SNX12: variants seen among roughly 807,000 people sequenced by gnomAD.
SNX12 encodes sorting nexin-12.
For synonymous variants in SNX12, 47 were observed against 56.0 expected (o/e 0.84, Z 0.71); for missense variants, 62 against 141.3 (o/e 0.44, Z 2.84).
chrX:71,064,159 A>G (rs2092143104), intron 1 of SNX12, among the ~76,000 whole-genome samples: 2 of 111,736 alleles, frequency 1.8e-5, no homozygotes, highest in African/African-American at 6.5e-5. Flanking sequence ...TACATATTAC[A>G]TTTTCCTTTA....
upstream of SNX12, among the ~76,000 whole-genome samples, chrX:71,071,028 G>T (rs1481095532): frequency 9.0e-6 from 1 of 110,903 alleles, no homozygotes; most frequent in Non-Finnish European, 1.9e-5. Flanking sequence ...ATCACATAAA[G>T]ATACCAGTGT....
intron 1 of SNX12, among the ~76,000 whole-genome samples, chrX:71,064,356 T>A (rs374050879): frequency 8.9e-6 from 1 of 112,335 alleles, no homozygotes; most frequent in Non-Finnish European, 1.9e-5. Context: ...CTGACAGTTA[T>A]ACTTTAGCAT....
upstream of SNX12, among the ~76,000 whole-genome samples, chrX:71,072,190 G>A (rs988103089): frequency 9.2e-6 from 1 of 108,548 alleles, no homozygotes; most frequent in South Asian, 4.0e-4. Context: ...CCCGGGAGGC[G>A]GAGGTTGCAG....
rs374975659 is a variant in SNX12 at position 71,062,893 on chromosome X, G to C, written c.222C>G (p.Asp74Glu). ...CCAGCTCATTTTTCAGCCACTCAAA[G>C]TCACTGTAGCGCCGCCGTACGCAGG... ...KESCVRRRYSDFEWLKNELER... is the reference protein window; with the variant it reads ...KESCVRRRYSEFEWLKNELER... The change falls in exon 2 of 4, where the codon GAC becomes GAG. Residue 74 changes from aspartate to glutamate, a missense_variant. By Grantham distance (45) the Asp-to-Glu change is conservative (BLOSUM62 2). Coordinates refer to ENST00000374274, the MANE Select transcript of SNX12 (RefSeq NM_013346.4). 3 of 1,209,028 alleles carry C rather than the reference G, an allele frequency of 2.5e-6. No individual in the cohort carries two copies. In the African/African-American group the frequency reaches 5.2e-5, roughly 21 times the overall value.
upstream of SNX12, among the ~76,000 whole-genome samples, chrX:71,071,995 C>T (rs778351340): frequency 9.1e-6 from 1 of 110,373 alleles, no homozygotes; most frequent in South Asian, 3.6e-4. Context: ...CGGTGGCTCA[C>T]GCCTGTAATC....
upstream of SNX12, among the ~76,000 whole-genome samples, chrX:71,071,535 TTATA>T (rs1266322744): frequency 1.9e-5 from 1 of 51,700 alleles, no homozygotes; most frequent in Admixed American, 3.5e-4. Flanking sequence ...ATATTTATAT[TTATA>T]TATATTATAT....
At chrX:71,063,035 A>G (rs774536175) in intron 1 of SNX12, 86 bp from the exon 2 acceptor site, 55 of 579,567 alleles carry the variant, frequency 9.5e-5, no homozygotes, top group African/African-American at 8.4e-4. Flanking sequence ...ACAGGTCCCA[A>G]TGAAGAAATA....
upstream of SNX12, chrX:71,068,554 T>C (rs1275129942): frequency 3.9e-6 from 1 of 253,678 alleles, no homozygotes; most frequent in Admixed American, 6.8e-5. Flanking sequence ...GTGATGTTTG[T>C]GGCCACCCGG....
chrX:71,059,885 C>T lies in SNX12; in HGVS notation c.*1131G>A, dbSNP rs1265696499. The stretch of plus-strand genomic sequence containing the variant: ...CAAGCTGCTATCCATAGTTCAACTT[C>T]TGGGGAAAATGCTGGAGTTGCATGA... On this transcript the variant is annotated 3_prime_UTR_variant, in exon 4 of 4. Coordinates refer to ENST00000374274, the MANE Select transcript of SNX12 (RefSeq NM_013346.4). 8.9e-6 allele frequency: 1 copy of T among 111,926 alleles called. No individual in the cohort carries two copies. The highest frequency in any genetic ancestry group is 3.2e-5 in the African/African-American group (1 of 30,797). 9.2% of individuals were successfully genotyped at this position (111,926 alleles called of 1,213,427 possible). A position where few individuals can be genotyped will look rare whatever the true frequency, so the allele number is the denominator to read the frequency against.
chrX:71,068,432 C>A, upstream of SNX12: 1 of 535,744 alleles, frequency 1.9e-6, no homozygotes, highest in South Asian at 3.9e-5. Flanking sequence ...GGCGCGCACG[C>A]GCGCCCACGC....
At chrX:71,071,522 T>TTTATATATTATATATATAATATTC (rs1569477434), upstream of SNX12, among the ~76,000 whole-genome samples, 4 of 35,052 alleles carry the variant, frequency 1.1e-4, no homozygotes, top group African/African-American at 4.6e-4. Flanking sequence ...TTAATTTATA[T>TTTATATATTATATATATAATATTC]ATATATTTAT....
intron 1 of SNX12, among the ~76,000 whole-genome samples, chrX:71,064,350 C>T (rs754960222): frequency 1.8e-5 from 2 of 112,189 alleles, no homozygotes; most frequent in Non-Finnish European, 3.8e-5. Flanking sequence ...ACTCTTCTGA[C>T]AGTTATACTT....
rs764233119 is a variant in SNX12 at position 71,065,539 on chromosome X, T to C, written c.166-2590A>G. Among the ~76,000 whole-genome samples, 5 of 106,631 alleles carry C rather than the reference T, an allele frequency of 4.7e-5. No homozygotes were observed. The South Asian group carries it at 1.2e-3, about 26-fold the overall frequency. 92.6% of individuals were successfully genotyped at this position (106,631 alleles called of 115,157 possible). Reference sequence around the variant, plus strand: ...CAAAAATTAGGCCGGGCATGGTGGCTAACACCTATAATCCCAGCACTTTGG... The same window carrying C: ...CAAAAATTAGGCCGGGCATGGTGGCCAACACCTATAATCCCAGCACTTTGG... On this transcript the variant is annotated intron_variant, in intron 1 of 3. Transcript: ENST00000374274.
In SNX12 at chrX:71,060,860, C is replaced by A; in HGVS notation, c.*156G>T. The stretch of plus-strand genomic sequence containing the variant: ...GAGAAGAGGATCCTAGCAGAGTGCC[C>A]ACATGGTGTAGTCAGGTACCAGGGA... On this transcript the variant is annotated 3_prime_UTR_variant, in exon 4 of 4. Coordinates refer to ENST00000374274, the MANE Select transcript of SNX12 (RefSeq NM_013346.4). 3.2e-6 allele frequency: 1 copy of A among 312,759 alleles called. No homozygotes were observed. The highest frequency in any genetic ancestry group is 4.1e-5 in the Admixed American group (1 of 24,499). The allele number at this position is 312,759 out of a possible 1,213,427, so 25.8% of individuals were successfully genotyped here.
At chrX:71,065,435 G>A (rs1473281235) in intron 1 of SNX12, among the ~76,000 whole-genome samples, 1 of 109,088 alleles carries the variant, frequency 9.2e-6, no homozygotes, top group South Asian at 4.0e-4. Context: ...TTGGGAGACT[G>A]AGGTGGATGG....
upstream of SNX12, chrX:71,073,267 A>G (rs1204705121): frequency 8.9e-6 from 1 of 112,004 alleles, no homozygotes; most frequent in Non-Finnish European, 1.9e-5. Context: ...GCCCACAGGC[A>G]ATACTGTACC....
chrX:71,067,493 G>A (rs1026607215), intron 1 of SNX12, among the ~76,000 whole-genome samples: 1 of 112,165 alleles, frequency 8.9e-6, no homozygotes, highest in African/African-American at 3.2e-5. Context: ...GAGACAGCAC[G>A]TAGTATCTGC....
chrX:71,065,856 G>A (rs775644847), intron 1 of SNX12, among the ~76,000 whole-genome samples: 41 of 107,769 alleles, frequency 3.8e-4, no homozygotes, highest in African/African-American at 7.1e-4. Context: ...CCTTATGCCT[G>A]TAGTCCCAGC....
chrX:71,073,237 T>A (rs1460354112), upstream of SNX12: 1 of 111,695 alleles, frequency 9.0e-6, no homozygotes, highest in African/African-American at 3.3e-5. Context: ...TTGTATGGAA[T>A]CTCATTAGTT....
Sources: gnomAD v4.1 joint callset for allele counts (sites outside exome capture counted in the v4.1 genomes callset) on GRCh38, gnomAD v4.1.1 for gene constraint, MANE v1.5 for transcripts, NCBI Gene and HGNC (gene_info 2026-07-23, HGNC 2026-07-21) for gene names.